Variants in SUPT3H observed in about 807,000 individuals in gnomAD.
The protein encoded by SUPT3H is transcription initiation protein SPT3 homolog.
In SUPT3H, 44 loss-of-function variants were observed where a neutral mutation model predicts 44.3. That is an observed-to-expected ratio of 0.99 (90% CI 0.78 to 1.28). The LOEUF (loss-of-function observed/expected upper bound fraction) is 1.28, where lower values mean the gene tolerates loss of function less well. Ranked by LOEUF, SUPT3H falls within the 50% of genes most tolerant of loss-of-function variation. The pLI, the probability that SUPT3H is intolerant of heterozygous loss-of-function variation, is 0.00. For missense variants in SUPT3H, 380 were observed against 387.1 expected (o/e 0.98, Z 0.15); for synonymous variants, 124 against 125.6 (o/e 0.99, Z 0.09).
At chr6:45,183,195 A>T (rs1813589114) in intron 2 of SUPT3H, among the ~76,000 whole-genome samples, 1 of 152,228 alleles carries the variant, frequency 6.6e-6, no homozygotes, top group African/African-American at 2.4e-5. Flanking sequence ...ACACTGTACT[A>T]AGTAAAATAA....
intron 2 of SUPT3H, among the ~76,000 whole-genome samples, chr6:45,357,259 G>A (rs550214709): frequency 2.0e-3 from 300 of 151,874 alleles, no homozygotes; most frequent in Non-Finnish European, 3.6e-3. Flanking sequence ...CGCCCACCTC[G>A]GCCTCCCAAA....
intron 2 of SUPT3H, among the ~76,000 whole-genome samples, chr6:45,306,723 G>A (rs894721312): frequency 3.3e-5 from 5 of 152,174 alleles, no homozygotes; most frequent in Non-Finnish European, 7.3e-5. Flanking sequence ...ACAGAAGACG[G>A]GTGATTTCTG....
At chr6:45,014,152 GTTTT>G (rs531788134) in intron 5 of SUPT3H, among the ~76,000 whole-genome samples, 1 of 148,034 alleles carries the variant, frequency 6.8e-6, no homozygotes, top group African/African-American at 2.5e-5. Flanking sequence ...TCTATCAACT[GTTTT>G]TTTTTTAAGT....
intron 10 of SUPT3H, 137 bp from the exon 11 acceptor site, chr6:44,829,994 T>G: frequency 1.3e-6 from 1 of 747,710 alleles, no homozygotes; most frequent in Admixed American, 2.6e-5. Context: ...AATCTGAATA[T>G]TTCTGGTGGC....
chr6:44,989,273 A>G (rs1381684183), intron 6 of SUPT3H, among the ~76,000 whole-genome samples: 6 of 152,078 alleles, frequency 3.9e-5, no homozygotes, highest in Non-Finnish European at 7.4e-5. Flanking sequence ...ACTTAGCATA[A>G]TATACTCTAG....
chr6:45,144,067 A>G (rs1302907669), intron 2 of SUPT3H, among the ~76,000 whole-genome samples: 2 of 152,150 alleles, frequency 1.3e-5, no homozygotes, highest in Admixed American at 1.3e-4. Context: ...ATTGCCAACA[A>G]AAAATAAGTC....
chr6:45,324,466 T>C (rs1428819969), intron 2 of SUPT3H, among the ~76,000 whole-genome samples: 1 of 151,904 alleles, frequency 6.6e-6, no homozygotes, highest in Non-Finnish European at 1.5e-5. Flanking sequence ...TAGTGAGGAT[T>C]AATGTCAATA....
intron 2 of SUPT3H, among the ~76,000 whole-genome samples, chr6:45,295,018 C>CA (rs1405953413): frequency 6.6e-6 from 1 of 151,838 alleles, no homozygotes; most frequent in Non-Finnish European, 1.5e-5. Context: ...CATATGGAAG[C>CA]AAAAAAGAGC....
intron 10 of SUPT3H, among the ~76,000 whole-genome samples, chr6:44,868,136 T>G (rs1379472005): frequency 6.6e-6 from 1 of 152,194 alleles, no homozygotes; most frequent in African/African-American, 2.4e-5. Context: ...AAAGGAAATC[T>G]AATTTGTAGG....
chr6:45,175,354 G>A (rs1446249573), intron 2 of SUPT3H, among the ~76,000 whole-genome samples: 1 of 152,174 alleles, frequency 6.6e-6, no homozygotes, highest in Non-Finnish European at 1.5e-5. Flanking sequence ...TACAGTCACG[G>A]TGAAAGGCGA....
chr6:45,000,714 G>C (rs1781903575), intron 6 of SUPT3H, among the ~76,000 whole-genome samples: 1 of 151,996 alleles, frequency 6.6e-6, no homozygotes. Context: ...ATATCACTCT[G>C]CTTTCTCTCT....
intron 2 of SUPT3H, among the ~76,000 whole-genome samples, chr6:45,108,072 G>A (rs1383728506): frequency 6.6e-6 from 1 of 152,162 alleles, no homozygotes; most frequent in Non-Finnish European, 1.5e-5. Flanking sequence ...CAACTTAATG[G>A]TGAAACACTA....
chr6:45,214,886 G>A lies in SUPT3H; in HGVS notation c.102-108880C>T, dbSNP rs549740186. ...TGCTGCTTGTAACCCCCTCACGACC[G>A]AGAGTCGGCACTCCATGCCCCTTCC... On this transcript the variant is annotated intron_variant, in intron 2 of 10. Coordinates refer to ENST00000371459, the MANE Select transcript of SUPT3H (RefSeq NM_003599.4). Among the ~76,000 whole-genome samples, 8 of 152,224 alleles carry A rather than the reference G, an allele frequency of 5.3e-5. No homozygotes were observed. The South Asian group carries it at 6.2e-4, about 12-fold the overall frequency.
intron 10 of SUPT3H, among the ~76,000 whole-genome samples, chr6:44,892,581 T>A (rs953618203): frequency 6.6e-6 from 1 of 152,198 alleles, no homozygotes; most frequent in Non-Finnish European, 1.5e-5. Context: ...ATAATCTGCA[T>A]GCAATTAATA....
intron 3 of SUPT3H, among the ~76,000 whole-genome samples, chr6:45,078,321 T>C (rs1170806070): frequency 1.3e-5 from 2 of 152,232 alleles, no homozygotes; most frequent in Non-Finnish European, 2.9e-5. Context: ...TGCCACACAA[T>C]TTATATTTCT....
At chr6:45,144,674 A>G (rs1805750864) in intron 2 of SUPT3H, among the ~76,000 whole-genome samples, 1 of 152,144 alleles carries the variant, frequency 6.6e-6, no homozygotes, top group Admixed American at 6.6e-5. Flanking sequence ...CAAAAACGAA[A>G]GAAATAAGGG....
rs1486807943 is a variant in SUPT3H, at chr6:44,932,842, C to A, written c.802-79G>T. 4.2e-6 allele frequency: 4 copies of A among 949,252 alleles called. No homozygotes were observed. In the East Asian group the frequency reaches 9.3e-5, roughly 22 times the overall value. The allele number at this position is 949,252 out of a possible 1,614,324, so 58.8% of individuals were successfully genotyped here. ...TACAGTGTATAAATATGAAAATAAA[C>A]CTTTACAAAAGAGACCGGTTTTTCC... On this transcript the variant is annotated intron_variant, in intron 9 of 10. Transcript: ENST00000371459.
At chr6:45,263,281 C>T (rs1774695445) in intron 2 of SUPT3H, among the ~76,000 whole-genome samples, 1 of 152,162 alleles carries the variant, frequency 6.6e-6, no homozygotes, top group Non-Finnish European at 1.5e-5. Flanking sequence ...GGTACATACA[C>T]ACCATGGAAT....
At chr6:45,106,319 C>T (rs184485454) in intron 2 of SUPT3H, among the ~76,000 whole-genome samples, 1 of 152,178 alleles carries the variant, frequency 6.6e-6, no homozygotes, top group African/African-American at 2.4e-5. Flanking sequence ...ATAGTCCCAG[C>T]TACTTGGGAG....
Sources: gnomAD v4.1 joint callset for allele counts (sites outside exome capture counted in the v4.1 genomes callset) on GRCh38, gnomAD v4.1.1 for gene constraint, MANE v1.5 for transcripts, NCBI Gene and HGNC (gene_info 2026-07-23, HGNC 2026-07-21) for gene names.